The following GAS2L3 variants were observed in gnomAD, a reference collection of about 807,000 sequenced individuals.
GAS2L3 encodes growth arrest specific 2 like 3.
A neutral mutation model predicts 37.0 loss-of-function variants in GAS2L3; 28 were observed. That is an observed-to-expected ratio of 0.76 (90% CI 0.56 to 1.04). The LOEUF (loss-of-function observed/expected upper bound fraction) is 1.04. GAS2L3 is among the 50% of genes least tolerant of loss of function. GAS2L3 has a pLI of 0.00. For synonymous variants in GAS2L3, 290 were observed against 296.6 expected (o/e 0.98, Z 0.23); for missense variants, 793 against 817.6 (o/e 0.97, Z 0.37).
chr12:100,579,330 C>T (rs1436887403), intron 1 of GAS2L3: 24 of 667,594 alleles, frequency 3.6e-5, no homozygotes, highest in East Asian at 2.8e-4. Flanking sequence ...GTACTACGAG[C>T]GGCACTGATT....
In GAS2L3 at chr12:100,624,816, A is replaced by C; in HGVS notation, c.2011A>C (p.Lys671Gln). Residue 671 changes from lysine to glutamine, a missense_variant, in exon 10 of 10, where the codon AAA becomes CAA. By Grantham distance (53) the Lys-to-Gln change is moderately conservative. Transcript: ENST00000547754. ...SVKDADSGDK[K>Q]PTAKKKEDDD... ...TAAGGATGCAGATAGTGGAGATAAA[A>C]AACCTACTGCAAAGAAAAAGGAAGA... 1 of 1,613,412 alleles carries C rather than the reference A, an allele frequency of 6.2e-7. No individual in the cohort carries two copies. The highest frequency in any genetic ancestry group is 1.7e-5 in the Admixed American group (1 of 59,954).
intron 1 of GAS2L3, among the ~76,000 whole-genome samples, chr12:100,581,384 G>C (rs1457778044): frequency 6.6e-6 from 1 of 152,182 alleles, no homozygotes; most frequent in Non-Finnish European, 1.5e-5. Context: ...TCCACATGGT[G>C]TGTATTATTC....
chr12:100,590,682 T>A lies in GAS2L3; in HGVS notation c.-151-1054T>A, dbSNP rs920086405. On this transcript the variant is annotated intron_variant, in intron 1 of 9. Coordinates refer to ENST00000547754, the MANE Select transcript of GAS2L3 (RefSeq NM_174942.3). ...AACAACCCAAATACCCATGAATAAA[T>A]GAGTACAGAAACTGTGTGTGCACTC... Among the ~76,000 whole-genome samples, 3 of 152,016 alleles carry A rather than the reference T, an allele frequency of 2.0e-5. No individual in the cohort carries two copies. The East Asian group carries it at 5.8e-4, about 29-fold the overall frequency.
intron 1 of GAS2L3, chr12:100,579,528 G>A (rs1955681544): frequency 1.3e-6 from 1 of 773,950 alleles, no homozygotes; most frequent in Non-Finnish European, 2.4e-6. Flanking sequence ...CATAATTGGA[G>A]GAGAGGGACC....
chr12:100,617,740 A>C lies in GAS2L3; in HGVS notation c.446-4A>C, dbSNP rs750819579. 2 of 1,596,194 alleles carry C rather than the reference A, an allele frequency of 1.3e-6. No homozygotes were observed. The highest frequency in any genetic ancestry group is 2.2e-5 in the South Asian group (2 of 89,978). On this transcript the variant is annotated splice_polypyrimidine_tract_variant and splice_region_variant and intron_variant, in intron 6 of 9. Coordinates refer to ENST00000547754, the MANE Select transcript of GAS2L3 (RefSeq NM_174942.3). ...TATAAAATAAGTGGTTTTATTTTCC[A>C]CAGTTTTGCACAAAGATCCAAGACA...
chr12:100,611,851 A>G, intron 5 of GAS2L3, 149 bp from the exon 6 acceptor site: 1 of 621,638 alleles, frequency 1.6e-6, no homozygotes, highest in Non-Finnish European at 2.8e-6. Context: ...AGTAAAATAA[A>G]ATAGTTTTCA....
intron 6 of GAS2L3, among the ~76,000 whole-genome samples, chr12:100,613,469 A>T (rs1956150421): frequency 6.6e-6 from 1 of 152,230 alleles, no homozygotes; most frequent in Admixed American, 6.5e-5. Context: ...AAATTTTAGG[A>T]TAAATTCCTC....
chr12:100,598,714 A>T (rs1955945462), intron 3 of GAS2L3, among the ~76,000 whole-genome samples: 1 of 152,160 alleles, frequency 6.6e-6, no homozygotes, highest in Non-Finnish European at 1.5e-5. Context: ...CTCAATGCTC[A>T]AATTGCCCTC....
chr12:100,585,930 T>C (rs1313637354), intron 1 of GAS2L3, among the ~76,000 whole-genome samples: 1 of 152,190 alleles, frequency 6.6e-6, no homozygotes, highest in East Asian at 1.9e-4. Context: ...TTTCTCCTTC[T>C]CTCAGTGTTT....
Position 100,623,832 on chromosome 12 carries a change from A to G in GAS2L3, c.1027A>G (p.Lys343Glu), listed in dbSNP as rs1461513075. The G allele has an allele frequency of 1.2e-6, 2 of 1,614,016 alleles. No individual in the cohort carries two copies. The highest frequency in any genetic ancestry group is 1.7e-6 in the Non-Finnish European group (2 of 1,180,012). Residue 343 changes from lysine (K) to glutamate (E), a missense_variant, in exon 10 of 10, where the codon AAA (lysine) becomes GAA (glutamate). Physicochemically the swap from Lys to Glu is moderately conservative, Grantham distance 56. Coordinates refer to ENST00000547754, the MANE Select transcript of GAS2L3 (RefSeq NM_174942.3). ...PSVPVSIPKS[K>E]EKQGRPPGAL... The stretch of plus-strand genomic sequence containing the variant: ...CGTGCCAGTTAGTATTCCAAAAAGC[A>G]AAGAAAAACAGGGACGTCCACCAGG...
chr12:100,619,269 T>C (rs1207583697), intron 8 of GAS2L3, among the ~76,000 whole-genome samples: 1 of 151,926 alleles, frequency 6.6e-6, no homozygotes, highest in Non-Finnish European at 1.5e-5. Context: ...AACTGGACAG[T>C]CTTCTTAACT....
chr12:100,584,560 G>A (rs369623919), intron 1 of GAS2L3, among the ~76,000 whole-genome samples: 4 of 151,558 alleles, frequency 2.6e-5, no homozygotes, highest in South Asian at 2.1e-4. Context: ...CTGCCTACCC[G>A]ACATTCCTAC....
chr12:100,605,953 G>A (rs776207991), intron 5 of GAS2L3, among the ~76,000 whole-genome samples: 5 of 151,714 alleles, frequency 3.3e-5, no homozygotes, highest in Non-Finnish European at 5.9e-5. Flanking sequence ...ATCTGCTGAG[G>A]AGAATAAAGC....
rs764425648 is a variant in GAS2L3, at chr12:100,612,060, C to T, written c.364C>T (p.Arg122Trp). The T allele has an allele frequency of 9.9e-6, 16 of 1,610,510 alleles. No individual in the cohort carries two copies. Among genetic ancestry groups the T allele is most frequent in the East Asian group, 6.7e-5 (3 of 44,850 alleles). The change falls in exon 6 of 10, where the codon CGG (arginine) becomes TGG (tryptophan). Residue 122 changes from arginine to tryptophan, a missense_variant. Transcript: ENST00000547754. ...TGCTGCATCAGGTTCATTCTTTGCT[C>T]GGGACAATACCGCAAACTTCCTTCA... is the stretch of plus-strand genomic sequence containing the variant. ...KDAASGSFFARDNTANFLHWC... is the reference protein window; with the variant it reads ...KDAASGSFFAWDNTANFLHWC...
At chr12:100,573,815 T>C (rs185932359) in intron 1 of GAS2L3, 30 bp downstream of exon 1, 1 of 152,880 alleles carries the variant, frequency 6.5e-6, no homozygotes, top group African/African-American at 2.4e-5. Flanking sequence ...TCTTCTCTTT[T>C]CCTGGCGAAC....
At position 100,624,011 on chromosome 12, in the gene GAS2L3, A is replaced by C; in HGVS notation, c.1206A>C (p.Ala402=). The C allele has an allele frequency of 6.2e-7, 1 of 1,613,692 alleles. No homozygotes were observed. The highest frequency in any genetic ancestry group is 8.5e-7 in the Non-Finnish European group (1 of 1,180,026). ...TKKPQAPSNN[A]SSSLASLNPV... is the part of the protein sequence containing the mutation. ...AACCGCAGGCTCCTTCAAACAATGCATCATCTTCACTTGCTTCATTAAATC... is the reference window on the plus strand; with the variant it reads ...AACCGCAGGCTCCTTCAAACAATGCCTCATCTTCACTTGCTTCATTAAATC... The change falls in exon 10 of 10, where the codon GCA becomes GCC. Residue 402 remains alanine, a synonymous_variant. Coordinates refer to ENST00000547754, the MANE Select transcript of GAS2L3 (RefSeq NM_174942.3).
intron 6 of GAS2L3, among the ~76,000 whole-genome samples, chr12:100,616,127 C>G (rs977661020): frequency 4.6e-5 from 7 of 152,080 alleles, no homozygotes; most frequent in African/African-American, 1.7e-4. Context: ...CATGAGATGT[C>G]TTTATTTATA....
intron 6 of GAS2L3, among the ~76,000 whole-genome samples, chr12:100,614,607 C>G (rs1956164878): frequency 6.6e-6 from 1 of 152,164 alleles, no homozygotes; most frequent in Non-Finnish European, 1.5e-5. Context: ...AGTATATTCA[C>G]TATGTTGTAC....
chr12:100,609,507 G>A (rs1259090484), intron 5 of GAS2L3, among the ~76,000 whole-genome samples: 1 of 152,118 alleles, frequency 6.6e-6, no homozygotes, highest in Non-Finnish European at 1.5e-5. Flanking sequence ...GGGGATGGGG[G>A]AGGGGTGGTA....
Sources: allele counts gnomAD v4.1 joint callset (sites outside exome capture counted in the v4.1 genomes callset), GRCh38; gene constraint gnomAD v4.1.1; transcripts MANE v1.5; gene names NCBI Gene and HGNC (gene_info 2026-07-23, HGNC 2026-07-21).